Variants in RPE observed in about 807,000 individuals in gnomAD.
RPE encodes the protein ribulose-phosphate 3-epimerase.
RPE carries 16 observed loss-of-function variants against 24.6 expected under a neutral mutation model. The observed-to-expected ratio is 0.65, with a 90% confidence interval of 0.44 to 0.99. The LOEUF is 0.99. Among genes scored for constraint, RPE ranks in the 50% least tolerant of loss-of-function variants. The probability of loss-of-function intolerance (pLI) is 0.00; values close to 1 mark genes in which losing one functional copy is unlikely to be tolerated. For missense variants in RPE, 240 were observed against 294.5 expected (o/e 0.81, Z 1.35); for synonymous variants, 93 against 98.4 (o/e 0.94, Z 0.33).
intron 1 of RPE, chr2:210,003,462 G>T: frequency 7.8e-7 from 1 of 1,287,990 alleles, no homozygotes; most frequent in Non-Finnish European, 1.0e-6. Flanking sequence ...AGGGAGGTCA[G>T]TTTTTTGTAA....
intron 1 of RPE, 62 bp from the exon 2 acceptor site, chr2:210,009,595 T>C (rs558461804): frequency 1.1e-5 from 18 of 1,598,286 alleles, no homozygotes; most frequent in South Asian, 5.5e-5. Flanking sequence ...AGAATTCATA[T>C]TGAGAGAGAT....
At position 210,018,794 on chromosome 2, in the gene RPE, C is replaced by T. The variant is rs146963793; in HGVS notation, c.565-875C>T. 4.7e-4 allele frequency: 307 copies of T among 657,560 alleles called. 1 individual carries two copies. The African/African-American group carries it at 5.7e-3, about 12-fold the overall frequency. 40.7% of individuals were successfully genotyped at this position (657,560 alleles called of 1,614,324 possible). A position where few individuals can be genotyped will look rare whatever the true frequency, so the allele number is the denominator to read the frequency against. ...ATATGAAGAACTCCCACAAGCTTAG[C>T]GTTCCAATAATGGAACACTAGGCAT... On this transcript the variant is annotated intron_variant, in intron 5 of 5. Coordinates refer to ENST00000359429, the MANE Select transcript of RPE (RefSeq NM_199229.3).
intron 1 of RPE, among the ~76,000 whole-genome samples, chr2:210,007,098 T>G (rs1208934548): frequency 6.6e-6 from 1 of 152,390 alleles, no homozygotes. Context: ...TTACTGGTTG[T>G]GTGACCTTGG....
At chr2:210,011,959 G>T (rs2093706450) in intron 2 of RPE, among the ~76,000 whole-genome samples, 1 of 151,688 alleles carries the variant, frequency 6.6e-6, no homozygotes, top group Admixed American at 6.6e-5. Context: ...TGTGATAGTA[G>T]GTGTAAGTCA....
chr2:210,019,350 C>A (rs1426047288), intron 5 of RPE, among the ~76,000 whole-genome samples: 2 of 151,976 alleles, frequency 1.3e-5, no homozygotes, highest in African/African-American at 4.8e-5. Flanking sequence ...TTGGGAAAAA[C>A]CTTAGTGGAC....
intron 1 of RPE, among the ~76,000 whole-genome samples, chr2:210,009,145 A>G (rs1204158676): frequency 6.6e-6 from 1 of 152,236 alleles, no homozygotes; most frequent in Non-Finnish European, 1.5e-5. Flanking sequence ...GATGCTTGGC[A>G]TGTAGTAAAC....
chr2:210,014,777 G>C (rs2093747847), intron 2 of RPE, among the ~76,000 whole-genome samples: 1 of 150,806 alleles, frequency 6.6e-6, no homozygotes, highest in Non-Finnish European at 1.5e-5. Context: ...TGAAATGTTA[G>C]AATTTTTTTC....
chr2:210,006,107 C>T (rs564173731), intron 1 of RPE, among the ~76,000 whole-genome samples: 1 of 152,204 alleles, frequency 6.6e-6, no homozygotes, highest in South Asian at 2.1e-4. Flanking sequence ...TTAACTAACT[C>T]CAGGAAATAA....
At chr2:210,017,621 G>A (rs546764801) in intron 5 of RPE, 62 bp downstream of exon 5, 1 of 1,471,210 alleles carries the variant, frequency 6.8e-7, no homozygotes, top group African/African-American at 1.4e-5. Flanking sequence ...CCAGGACATT[G>A]TCTCATGGGC....
intron 2 of RPE, among the ~76,000 whole-genome samples, chr2:210,013,344 C>T (rs1218983010): frequency 6.9e-6 from 1 of 144,342 alleles, no homozygotes; most frequent in Admixed American, 7.0e-5. Context: ...CAGTCTTGCT[C>T]TGTCACCCAG....
At chr2:210,009,046 A>C (rs1372292190) in intron 1 of RPE, among the ~76,000 whole-genome samples, 3 of 152,222 alleles carry the variant, frequency 2.0e-5, no homozygotes, top group Non-Finnish European at 2.9e-5. Flanking sequence ...GAGTTACTTA[A>C]GGATTTTATT....
At chr2:210,008,900 T>C (rs2093666052) in intron 1 of RPE, among the ~76,000 whole-genome samples, 1 of 152,152 alleles carries the variant, frequency 6.6e-6, no homozygotes, top group African/African-American at 2.4e-5. Context: ...TTCACTATGT[T>C]GGCCAGGCTG....
Position 210,021,770 on chromosome 2 carries a change from C to T in RPE, c.*1979C>T, listed in dbSNP as rs1304139640. 1.3e-5 allele frequency: 2 copies of T among 151,728 alleles called. No homozygotes were observed. Among genetic ancestry groups the T allele is most frequent in the Non-Finnish European group, 2.9e-5 (2 of 67,874 alleles). 9.4% of individuals were successfully genotyped at this position (151,728 alleles called of 1,614,324 possible). On this transcript the variant is annotated 3_prime_UTR_variant, in exon 6 of 6. Transcript: ENST00000359429. ...TTATATAAATTGTCCTCAACTTTCACATAGGAAAAAAATGGTTTAATAGCT... is the reference window on the plus strand; with the variant it reads ...TTATATAAATTGTCCTCAACTTTCATATAGGAAAAAAATGGTTTAATAGCT...
chr2:210,010,073 A>G (rs1414164816), intron 2 of RPE, among the ~76,000 whole-genome samples: 1 of 152,120 alleles, frequency 6.6e-6, no homozygotes, highest in Non-Finnish European at 1.5e-5. Flanking sequence ...ACTTCCTTTG[A>G]TCTGCGATTA....
rs2093849760 is a variant in RPE at position 210,021,190 on chromosome 2, A to G, written c.*1399A>G. 6.6e-6 allele frequency: 1 copy of G among 152,176 alleles called. No homozygotes were observed. The highest frequency in any genetic ancestry group is 6.5e-5 in the Admixed American group (1 of 15,278). The allele number at this position is 152,176 out of a possible 1,614,324, so 9.4% of individuals were successfully genotyped here. A position where few individuals can be genotyped will look rare whatever the true frequency, so the allele number is the denominator to read the frequency against. On this transcript the variant is annotated 3_prime_UTR_variant, in exon 6 of 6. Coordinates refer to ENST00000359429, the MANE Select transcript of RPE (RefSeq NM_199229.3). ...TTCCTGTAAATACTCTTGCTGTGTTATAAATATGGCAAGAAATAAACATGA... is the reference window on the plus strand; with the variant it reads ...TTCCTGTAAATACTCTTGCTGTGTTGTAAATATGGCAAGAAATAAACATGA...
intron 3 of RPE, 194 bp downstream of exon 3, chr2:210,016,306 A>T (rs1490120612): frequency 6.3e-7 from 1 of 1,599,348 alleles, no homozygotes; most frequent in African/African-American, 1.3e-5. Context: ...TGATGCCAGG[A>T]TTTAACTTCT....
At chr2:210,014,256 T>A (rs1057227342) in intron 2 of RPE, among the ~76,000 whole-genome samples, 3 of 151,830 alleles carry the variant, frequency 2.0e-5, no homozygotes, top group African/African-American at 7.3e-5. Flanking sequence ...GCCCAGCTAA[T>A]TTTTTTGTAT....
At chr2:210,018,402 T>TC (rs972902585) in intron 5 of RPE, 28 of 985,128 alleles carry the variant, frequency 2.8e-5, no homozygotes, top group Non-Finnish European at 3.3e-5. Context: ...TTTACTTTTT[T>TC]TTTTTTTTCA....
chr2:210,017,733 C>CT (rs1270574264), intron 5 of RPE, 174 bp downstream of exon 5: 41,559 of 296,006 alleles, frequency 0.14, 1,188 homozygotes, highest in South Asian at 0.2. Context: ...AGTGGATATG[C>CT]TTTTTTTTTT....
Sources: gnomAD v4.1 joint callset for allele counts (sites outside exome capture counted in the v4.1 genomes callset) on GRCh38, gnomAD v4.1.1 for gene constraint, MANE v1.5 for transcripts, NCBI Gene and HGNC (gene_info 2026-07-23, HGNC 2026-07-21) for gene names.